Variants in NCOR2 observed in about 807,000 individuals in gnomAD.
NCOR2 encodes CTG repeat protein 26.
NCOR2 carries 81 observed loss-of-function variants against 262.9 expected under a neutral mutation model. That is an observed-to-expected ratio of 0.31 (90% CI 0.26 to 0.37). The LOEUF is 0.37. NCOR2 is among the 10% of genes least tolerant of loss of function. The probability of loss-of-function intolerance (pLI) is 1.00; values close to 1 mark genes in which losing one functional copy is unlikely to be tolerated. For missense variants in NCOR2, 3,385 were observed against 3,621.4 expected, an observed-to-expected ratio of 0.93 and a Z score of 1.68; for synonymous variants, 1,659 against 1,559.3, an observed-to-expected ratio of 1.06 and a Z score of -1.51.
At chr12:124,404,595 C>A (rs866397340) in intron 13 of NCOR2, among the ~76,000 whole-genome samples, 5 of 152,336 alleles carry the variant, frequency 3.3e-5, no homozygotes, top group Admixed American at 1.3e-4. Flanking sequence ...ACCCATCAGG[C>A]CGCAGGCAGG....
intron 5 of NCOR2, among the ~76,000 whole-genome samples, chr12:124,459,626 T>C (rs1430258531): frequency 6.6e-6 from 1 of 152,150 alleles, no homozygotes; most frequent in African/African-American, 2.4e-5. Flanking sequence ...CAAACTCCCA[T>C]GACCTCTGCA....
chr12:124,524,714 C>A (rs1168358725), intron 1 of NCOR2, among the ~76,000 whole-genome samples: 1 of 152,246 alleles, frequency 6.6e-6, no homozygotes, highest in Non-Finnish European at 1.5e-5. Context: ...CTGCCCCTAA[C>A]TAATCACCCC....
intron 3 of NCOR2, among the ~76,000 whole-genome samples, chr12:124,478,085 C>T (rs924085027): frequency 6.6e-6 from 1 of 152,128 alleles, no homozygotes; most frequent in East Asian, 1.9e-4. Flanking sequence ...GCTAGAAATG[C>T]GGAGAGGAGG....
At chr12:124,396,338 T>C (rs9669112) in intron 16 of NCOR2, among the ~76,000 whole-genome samples, 2,773 of 152,336 alleles carry the variant, frequency 0.018, 60 homozygotes, top group African/African-American at 0.053. Flanking sequence ...CTGAGCTTCG[T>C]GCCATGTGTA....
rs900414599 is a variant in NCOR2 at position 124,389,840 on chromosome 12, C to T, written c.1877-3953G>A. ...CACAGCTGCCCCTTTCGTCCTCCTC[C>T]GAGAGCCCCTGCAGCCGTGAAGGAA... On this transcript the variant is annotated intron_variant, in intron 16 of 46. Coordinates refer to ENST00000405201, the Ensembl canonical transcript of NCOR2. The surrounding 1 kb of genome is among the most constrained non-coding windows in gnomAD (Gnocchi z 4.4). Among the ~76,000 whole-genome samples, 5 of 152,150 alleles carry T rather than the reference C, an allele frequency of 3.3e-5. No individual in the cohort carries two copies. Among genetic ancestry groups the T allele is most frequent in the African/African-American group, 9.7e-5 (4 of 41,428 alleles).
chr12:124,449,566 C>T (rs1056524755), intron 7 of NCOR2, among the ~76,000 whole-genome samples: 2 of 152,250 alleles, frequency 1.3e-5, no homozygotes, highest in African/African-American at 4.8e-5. Flanking sequence ...TGTGCACCAG[C>T]AGCTCCCTCG....
chr12:124,354,130 G>A (rs909322345), exon 27 of NCOR2: 8 of 1,610,442 alleles, frequency 5.0e-6, no homozygotes, highest in Non-Finnish European at 5.9e-6. Context: ...GGCGCTGTCC[G>A]AGGGCACCCG....
In NCOR2 at chr12:124,512,918, C is replaced by T. The variant is rs935209985; in HGVS notation, c.-117-17550G>A. 3.0e-4 allele frequency among the ~76,000 whole-genome samples: 45 copies of T among 152,358 alleles called. 1 individual carries two copies. The highest frequency in any genetic ancestry group is 2.7e-3 in the Admixed American group (42 of 15,306). Reference sequence around the variant, plus strand: ...CCACAGGCCAAGAAGCTTGAAGCAGCTCATCGAGGGGGACCAGACAAACGG... The same window carrying T: ...CCACAGGCCAAGAAGCTTGAAGCAGTTCATCGAGGGGGACCAGACAAACGG... On this transcript the variant is annotated intron_variant, in intron 1 of 46. Transcript: ENST00000404621.
chr12:124,439,492 G>C (rs1488373490), intron 7 of NCOR2, among the ~76,000 whole-genome samples: 2 of 150,728 alleles, frequency 1.3e-5, no homozygotes, highest in Non-Finnish European at 3.0e-5. Flanking sequence ...CCCAGAGAAA[G>C]AGGGAAACAG....
intron 1 of NCOR2, among the ~76,000 whole-genome samples, chr12:124,501,667 T>C (rs1000075871): frequency 1.2e-4 from 19 of 152,224 alleles, no homozygotes; most frequent in African/African-American, 4.1e-4. Flanking sequence ...ACCCGTCATA[T>C]TGGATTTGGG....
intron 30 of NCOR2, 153 bp downstream of exon 32, chr12:124,347,672 A>G: frequency 5.7e-6 from 4 of 696,476 alleles, no homozygotes; most frequent in Non-Finnish European, 4.8e-6. Flanking sequence ...CTTGCTCCGT[A>G]GCTCACGTAC....
intron 16 of NCOR2, among the ~76,000 whole-genome samples, chr12:124,396,081 G>C (rs1025694297): frequency 1.3e-5 from 2 of 152,128 alleles, no homozygotes; most frequent in Admixed American, 1.3e-4. Flanking sequence ...GACACAAAAG[G>C]CCACAAACTG....
intron 1 of NCOR2, among the ~76,000 whole-genome samples, chr12:124,534,455 C>CA (rs2051013456): frequency 8.1e-6 from 1 of 123,728 alleles, no homozygotes; most frequent in Non-Finnish European, 1.8e-5. Flanking sequence ...GACTCTGTCT[C>CA]GAAAAAAAAA....
intron 8 of NCOR2, among the ~76,000 whole-genome samples, chr12:124,431,622 C>G (rs1049132727): frequency 4.0e-5 from 6 of 151,528 alleles, no homozygotes; most frequent in Middle Eastern, 6.8e-3. Flanking sequence ...TACAGTCAGA[C>G]AGATATACAC....
At position 124,432,975 on chromosome 12, in the gene NCOR2, CA is replaced by C. The variant is rs1377694316; in HGVS notation, c.883-2189del. Among the ~76,000 whole-genome samples the C allele has an allele frequency of 6.6e-6, 1 of 152,162 alleles. No individual in the cohort carries two copies. Among genetic ancestry groups the C allele is most frequent in the East Asian group, 1.9e-4 (1 of 5,188 alleles). ...AGACGGTGTGATCTGGGAGCCTCCA[CA>C]AACACCCACTTGGTGCTTCGGTACA... On this transcript the variant is annotated intron_variant, in intron 8 of 46. Transcript: ENST00000405201. This position sits in a 1 kb window ranked among gnomAD's most constrained non-coding sequence, Gnocchi z 5.1.
Position 124,336,707 on chromosome 12 carries a change from A to G in NCOR2, c.6115+46T>C, listed in dbSNP as rs201961606. The G allele has an allele frequency of 3.1e-6, 5 of 1,600,626 alleles. No homozygotes were observed. The South Asian group carries it at 3.4e-5, about 11-fold the overall frequency. On this transcript the variant is annotated intron_variant, in intron 38 of 46. Coordinates refer to ENST00000405201, the Ensembl canonical transcript of NCOR2. ...CCCTTTATCGTGAGCAATTTGACGC[A>G]TGATAATCGCGTCTATGAAGGTGGC...
Position 124,378,481 on chromosome 12 carries a change from T to C in NCOR2, c.2020-97A>G, listed in dbSNP as rs2040183267. The C allele has an allele frequency of 3.0e-5, 38 of 1,274,908 alleles. No individual in the cohort carries two copies. Among genetic ancestry groups the C allele is most frequent in the Non-Finnish European group, 3.9e-5 (37 of 941,858 alleles). The allele number at this position is 1,274,908 out of a possible 1,614,324, so 79.0% of individuals were successfully genotyped here. On this transcript the variant is annotated intron_variant, in intron 17 of 46. Coordinates refer to ENST00000405201, the Ensembl canonical transcript of NCOR2. The surrounding 1 kb of genome is among the most constrained non-coding windows in gnomAD (Gnocchi z 4.2). ...GCCTCGCCGCAGGTGCAAAGGGCAG[T>C]GATCCCGGCCATGTAGCAATGAGGG...
chr12:124,563,012 T>A (rs2137299982), intron 1 of NCOR2, among the ~76,000 whole-genome samples: 1 of 152,268 alleles, frequency 6.6e-6, no homozygotes, highest in South Asian at 2.1e-4. Flanking sequence ...GGTAAGTAAC[T>A]CATTCACAGC....
At chr12:124,374,270 C>A in intron 19 of NCOR2, 143 bp downstream of exon 21, 1 of 807,218 alleles carries the variant, frequency 1.2e-6, no homozygotes, top group East Asian at 2.7e-5. Context: ...GGGAAGGAAG[C>A]CCAGAGGCCG....
Sources: gnomAD v4.1 joint callset for allele counts (sites outside exome capture counted in the v4.1 genomes callset) on GRCh38, gnomAD v4.1.1 for gene constraint, Gnocchi (gnomAD v3.1) non-coding constraint, MANE v1.5 for transcripts, NCBI Gene and HGNC (gene_info 2026-07-23, HGNC 2026-07-21) for gene names.